The following LOXHD1 variants were observed in gnomAD, a reference collection of about 807,000 sequenced individuals.
LOXHD1 encodes the protein lipoxygenase homology domain-containing protein 1.
A neutral mutation model predicts 248.2 loss-of-function variants in LOXHD1; 205 were observed. The ratio of observed to expected loss-of-function variants is 0.83; its 90% CI spans 0.74 to 0.93. LOXHD1 has a LOEUF of 0.93. LOXHD1 is among the 40% of genes least tolerant of loss of function. The pLI, the probability that LOXHD1 is intolerant of heterozygous loss-of-function variation, is 0.00. For synonymous variants in LOXHD1, 1,113 were observed against 1,162.8 expected, an observed-to-expected ratio of 0.96 and a Z score of 0.87; for missense variants, 2,930 against 2,971.6, an observed-to-expected ratio of 0.99 and a Z score of 0.33.
chr18:46,567,162 T>A lies in LOXHD1; in HGVS notation c.2245-713A>T, dbSNP rs151065737. On this transcript the variant is annotated intron_variant, in intron 16 of 40. Coordinates refer to ENST00000642948, the MANE Select transcript of LOXHD1 (RefSeq NM_001384474.1). ...TTTCAATGTTTGGATTGCTTTTATG[T>A]TTTTTCTTTTTGAAATGCTGTATAC... Among the ~76,000 whole-genome samples, 1,343 of 152,358 alleles carry A rather than the reference T, an allele frequency of 8.8e-3. 25 individuals are homozygous for A. The highest frequency in any genetic ancestry group is 0.03 in the African/African-American group (1,236 of 41,582).
At chr18:46,594,060 C>T (rs537247300) in intron 9 of LOXHD1, among the ~76,000 whole-genome samples, 48 of 152,268 alleles carry the variant, frequency 3.2e-4, no homozygotes, top group African/African-American at 7.2e-4. Context: ...CTGTAGTGAA[C>T]GATTCAGGTT....
chr18:46,496,104 C>T (rs1208412601), intron 37 of LOXHD1, among the ~76,000 whole-genome samples: 1 of 152,078 alleles, frequency 6.6e-6, no homozygotes, highest in Non-Finnish European at 1.5e-5. Context: ...TTTATATCCC[C>T]CAGCAACCAA....
chr18:46,555,438 T>G (rs1598991813), intron 21 of LOXHD1: 4 of 183,446 alleles, frequency 2.2e-5, no homozygotes, highest in Non-Finnish European at 3.1e-5. Context: ...ACCATGACAA[T>G]GGGCTGTCTG....
At chr18:46,615,024 T>C (rs1027118964) in intron 5 of LOXHD1, among the ~76,000 whole-genome samples, 2 of 152,220 alleles carry the variant, frequency 1.3e-5, no homozygotes, top group East Asian at 3.8e-4. Flanking sequence ...TTGGCTATAG[T>C]ATGTTCTTAA....
At chr18:46,531,229 C>T (rs2036052043) in intron 28 of LOXHD1, among the ~76,000 whole-genome samples, 1 of 152,014 alleles carries the variant, frequency 6.6e-6, no homozygotes, top group Admixed American at 6.5e-5. Context: ...ACACTTGCTC[C>T]CACCCCACTC....
At chr18:46,514,403 C>A (rs529824106) in intron 34 of LOXHD1, among the ~76,000 whole-genome samples, 13 of 152,206 alleles carry the variant, frequency 8.5e-5, no homozygotes, top group Non-Finnish European at 1.8e-4. Flanking sequence ...CCTCCAAGCT[C>A]TCTGAGAAGG....
Position 46,572,110 on chromosome 18 carries a change from T to C in LOXHD1, c.2023A>G (p.Ser675Gly), listed in dbSNP as rs1484278441. The C allele has an allele frequency of 1.3e-5, 20 of 1,551,834 alleles. No individual in the cohort carries two copies. Among genetic ancestry groups the C allele is most frequent in the Non-Finnish European group, 1.7e-5 (19 of 1,147,022 alleles). ...DGQLVRELLP[S>G]DSSATLKNFR... ...CTCTTCAGTGTCGCGCTGCTGTCACTGGGTAGCAACTCTCGGACCAGCTGC... is the reference window on the plus strand; with the variant it reads ...CTCTTCAGTGTCGCGCTGCTGTCACCGGGTAGCAACTCTCGGACCAGCTGC... The change falls in exon 15 of 41, where the codon AGT (serine) becomes GGT (glycine). Residue 675 changes from serine (S) to glycine (G), a missense_variant. Transcript: ENST00000642948.
In LOXHD1 at chr18:46,646,911, C is replaced by T. The variant is rs530972916; in HGVS notation, c.245+2244G>A. ...CAGAGCAGACCTTCCCCCAGGCCATCCTCCAGCTCCCTCCATCACTCCTCG... is the reference window on the plus strand; with the variant it reads ...CAGAGCAGACCTTCCCCCAGGCCATTCTCCAGCTCCCTCCATCACTCCTCG... On this transcript the variant is annotated intron_variant, in intron 2 of 40. Transcript: ENST00000642948. 2.6e-5 allele frequency among the ~76,000 whole-genome samples: 4 copies of T among 152,326 alleles called. No homozygotes were observed. In the South Asian group the frequency reaches 8.3e-4, roughly 32 times the overall value.
intron 37 of LOXHD1, among the ~76,000 whole-genome samples, chr18:46,499,961 C>G (rs924410753): frequency 1.3e-5 from 2 of 152,254 alleles, no homozygotes; most frequent in Non-Finnish European, 2.9e-5. Context: ...AATTGACACA[C>G]CACATCTTGG....
chr18:46,618,436 A>G, intron 4 of LOXHD1, 146 bp from the exon 5 acceptor site: 1 of 625,694 alleles, frequency 1.6e-6, no homozygotes, highest in Non-Finnish European at 2.8e-6. Context: ...GCAAAAAACA[A>G]GTCAGTCCAC....
chr18:46,589,569 T>C (rs890854443), intron 12 of LOXHD1, among the ~76,000 whole-genome samples: 2 of 152,176 alleles, frequency 1.3e-5, no homozygotes, highest in African/African-American at 4.8e-5. Flanking sequence ...AAAATGCATA[T>C]TACCAGGAAT....
intron 12 of LOXHD1, among the ~76,000 whole-genome samples, chr18:46,584,992 A>G (rs770292764): frequency 3.3e-5 from 5 of 152,316 alleles, no homozygotes; most frequent in East Asian, 1.9e-4. Flanking sequence ...ATGTAGAAAA[A>G]GCATTTGACA....
At chr18:46,614,899 C>T (rs2038563966) in intron 5 of LOXHD1, among the ~76,000 whole-genome samples, 1 of 152,066 alleles carries the variant, frequency 6.6e-6, no homozygotes, top group Non-Finnish European at 1.5e-5. Flanking sequence ...GATGGAGATT[C>T]ATAATTTCTT....
intron 33 of LOXHD1, chr18:46,518,908 A>G: frequency 1.0e-6 from 1 of 985,506 alleles, no homozygotes; most frequent in Non-Finnish European, 1.2e-6. Flanking sequence ...TCCACTGGAG[A>G]AGTGAGACAA....
Position 46,547,042 on chromosome 18 carries a change from G to C in LOXHD1, c.3367C>G (p.Gln1123Glu). 1 of 1,551,744 alleles carries C rather than the reference G, an allele frequency of 6.4e-7. No homozygotes were observed. Among genetic ancestry groups the C allele is most frequent in the South Asian group, 1.2e-5 (1 of 84,056 alleles). The change falls in exon 22 of 41, where the codon CAA (glutamine) becomes GAA (glutamate). Residue 1123 changes from glutamine (Q) to glutamate (E), a missense_variant. By Grantham distance (29) the Gln-to-Glu change is conservative (BLOSUM62 2). Transcript: ENST00000642948. The stretch of plus-strand genomic sequence containing the variant: ...TCTTCCTCCACTGCCAGCCAACGTT[G>C]GCATGGAAAGTAGTACCTGTGGGGG... ...NNEITYYFPC[Q>E]RWLAVEEDDG...
In LOXHD1 at chr18:46,545,367, C is replaced by T. The variant is rs1677091936; in HGVS notation, c.3569G>A (p.Gly1190Asp). 1.9e-6 allele frequency: 3 copies of T among 1,551,858 alleles called. No homozygotes were observed. Among genetic ancestry groups the T allele is most frequent in the African/African-American group, 1.4e-5 (1 of 73,000 alleles). The part of the protein sequence containing the change: ...TIKTGVKKNA[G>D]TDANVFITLF... ...TGTGATGAAGACATTAGCATCTGTG[C>T]CCGCATTCTTCTTAACCCCAGTCTT... Residue 1190 changes from glycine to aspartate, a missense_variant, in exon 23 of 41, where the codon GGC becomes GAC. By Grantham distance (94) the Gly-to-Asp change is moderately conservative. Coordinates refer to ENST00000642948, the MANE Select transcript of LOXHD1 (RefSeq NM_001384474.1).
intron 17 of LOXHD1, among the ~76,000 whole-genome samples, chr18:46,564,083 G>A (rs2037586238): frequency 6.7e-6 from 1 of 148,946 alleles, no homozygotes; most frequent in Admixed American, 6.8e-5. Context: ...GGAAGGAGGG[G>A]GAGAGAGAGA....
chr18:46,486,587 G>T (rs562750176), intron 38 of LOXHD1, among the ~76,000 whole-genome samples: 1 of 152,316 alleles, frequency 6.6e-6, no homozygotes, highest in African/African-American at 2.4e-5. Context: ...TTGTACCATT[G>T]CCTTCTGCTT....
chr18:46,533,330 G>A lies in LOXHD1; in HGVS notation c.4213-6C>T, dbSNP rs1272549764. On this transcript the variant is annotated splice_polypyrimidine_tract_variant and splice_region_variant and intron_variant, in intron 27 of 40. Transcript: ENST00000642948. ...AAAGTCAAGGTCTCTGCACCCTGGG[G>A]TGAGGCAGAAAAAGGAAAATTAGCC... 1 of 1,551,330 alleles carries A rather than the reference G, an allele frequency of 6.4e-7. No individual in the cohort carries two copies. Among genetic ancestry groups the A allele is most frequent in the Non-Finnish European group, 8.7e-7 (1 of 1,146,832 alleles).
Sources: allele counts gnomAD v4.1 joint callset (sites outside exome capture counted in the v4.1 genomes callset), GRCh38; gene constraint gnomAD v4.1.1; transcripts MANE v1.5; gene names NCBI Gene and HGNC (gene_info 2026-07-23, HGNC 2026-07-21).